Variants in GLG1 observed in about 807,000 individuals in gnomAD.
The protein encoded by GLG1 is Golgi apparatus protein 1.
Under a neutral mutation model 160.5 loss-of-function variants are expected in GLG1, and 38 were observed. That is an observed-to-expected ratio of 0.24 (90% CI 0.18 to 0.31). The LOEUF is 0.31. Ranked by LOEUF, GLG1 falls within the 10% of genes least tolerant of loss-of-function variation. The pLI is 1.00. For missense variants in GLG1, 1,373 were observed against 1,505.2 expected, an observed-to-expected ratio of 0.91 and a Z score of 1.45; for synonymous variants, 644 against 543.4, an observed-to-expected ratio of 1.19 and a Z score of -2.57.
intron 1 of GLG1, among the ~76,000 whole-genome samples, chr16:74,577,935 G>C (rs909245609): frequency 6.6e-6 from 1 of 151,876 alleles, no homozygotes; most frequent in African/African-American, 2.4e-5. Context: ...CACTCTGGGA[G>C]GCCAAGGTAG....
chr16:74,469,886 C>T lies in GLG1; in HGVS notation c.2318+99G>A, dbSNP rs981496761. ...ATGCGGGAGGCCTCCAGGGCTAACCCCACGAGGCAGCAGGAGGGCTGCCTA... is the reference window on the plus strand; with the variant it reads ...ATGCGGGAGGCCTCCAGGGCTAACCTCACGAGGCAGCAGGAGGGCTGCCTA... On this transcript the variant is annotated intron_variant, in intron 16 of 25. Coordinates refer to ENST00000422840, the MANE Select transcript of GLG1 (RefSeq NM_001145667.2). 1.0e-4 allele frequency: 84 copies of T among 806,078 alleles called. No individual in the cohort carries two copies. The African/African-American group carries it at 1.2e-3, about 12-fold the overall frequency. 49.9% of individuals were successfully genotyped at this position (806,078 alleles called of 1,614,324 possible).
At chr16:74,533,462 C>G (rs1416415181) in intron 1 of GLG1, among the ~76,000 whole-genome samples, 2 of 152,132 alleles carry the variant, frequency 1.3e-5, no homozygotes, top group African/African-American at 2.4e-5. Flanking sequence ...GGAGACACAA[C>G]TGCAATAAAA....
chr16:74,606,624 C>A (rs926014014), intron 1 of GLG1, 33 bp downstream of exon 1: 2 of 1,525,260 alleles, frequency 1.3e-6, no homozygotes, highest in African/African-American at 1.4e-5. Flanking sequence ...CCGCACCAGG[C>A]CTGGCCCTCC....
At chr16:74,566,679 C>T (rs2018662697) in intron 1 of GLG1, among the ~76,000 whole-genome samples, 1 of 152,038 alleles carries the variant, frequency 6.6e-6, no homozygotes, top group Non-Finnish European at 1.5e-5. Flanking sequence ...TTTAGTCATA[C>T]TATTAGATTA....
At chr16:74,466,472 G>C (rs1397997458) in intron 18 of GLG1, among the ~76,000 whole-genome samples, 1 of 152,174 alleles carries the variant, frequency 6.6e-6, no homozygotes, top group African/African-American at 2.4e-5. Context: ...CAGCAGCTGG[G>C]GCTATCGCAG....
At chr16:74,488,123 C>A (rs1395593132) in intron 8 of GLG1, among the ~76,000 whole-genome samples, 1 of 152,106 alleles carries the variant, frequency 6.6e-6, no homozygotes, top group African/African-American at 2.4e-5. Flanking sequence ...TATGCTTACG[C>A]TTTACAGCTT....
chr16:74,456,830 A>C, intron 24 of GLG1, 75 bp from the exon 25 acceptor site: 1 of 895,086 alleles, frequency 1.1e-6, no homozygotes, highest in Non-Finnish European at 1.9e-6. Flanking sequence ...GATGAGGAAG[A>C]GGGTGCACAA....
intron 14 of GLG1, 84 bp downstream of exon 14, chr16:74,472,263 GAC>G: frequency 1.1e-6 from 1 of 875,552 alleles, no homozygotes. Context: ...ACATGCTGCA[GAC>G]AGAGGTGAGT....
At chr16:74,481,179 T>C (rs12443505) in intron 10 of GLG1, among the ~76,000 whole-genome samples, 144,093 of 152,288 alleles carry the variant, frequency 0.95, 68,367 homozygotes, top group East Asian at 1. Context: ...GCAAGATAAA[T>C]AGTCTCCTAT....
chr16:74,606,896 G>A lies in GLG1; in HGVS notation c.199C>T (p.Pro67Ser), dbSNP rs1475972942. 6.9e-6 allele frequency: 11 copies of A among 1,603,482 alleles called. No homozygotes were observed. Among genetic ancestry groups the A allele is most frequent in the Non-Finnish European group, 8.5e-6 (10 of 1,176,844 alleles). The stretch of plus-strand genomic sequence containing the variant: ...TGCTGCTGAAGCTGCGATGACTGAG[G>A]CAGCTGGGGCAGCTGCTGACCCGCC... ...GPAGQQLPQL[P>S]QSSQLQQQQQ... The change falls in exon 1 of 26, where the codon CCT (proline) becomes TCT (serine). Residue 67 changes from proline (P) to serine (S), a missense_variant. Pro to Ser is a moderately conservative substitution (Grantham distance 74). Coordinates refer to ENST00000422840, the MANE Select transcript of GLG1 (RefSeq NM_001145667.2).
intron 12 of GLG1, among the ~76,000 whole-genome samples, chr16:74,476,332 G>A (rs2015389793): frequency 1.3e-5 from 2 of 152,144 alleles, no homozygotes; most frequent in Admixed American, 6.6e-5. Context: ...TTGGACAGAG[G>A]CAACAGAAAG....
At chr16:74,541,985 TC>T (rs1302020621) in intron 1 of GLG1, among the ~76,000 whole-genome samples, 17 of 142,074 alleles carry the variant, frequency 1.2e-4, no homozygotes, top group Admixed American at 1.1e-3. Context: ...TGATACATTT[TC>T]CCAGTTCATA....
At chr16:74,489,241 C>G (rs1441396324) in intron 8 of GLG1, among the ~76,000 whole-genome samples, 1 of 151,950 alleles carries the variant, frequency 6.6e-6, no homozygotes, top group Non-Finnish European at 1.5e-5. Flanking sequence ...GAGGCTGAGG[C>G]GGGAAGATCA....
At position 74,452,795 on chromosome 16, in the gene GLG1, T is replaced by C. The variant is rs1465727603; in HGVS notation, c.*372A>G. The stretch of plus-strand genomic sequence containing the variant: ...GAGATGCGTTACTATATACATTTTT[T>C]TCTTTAAAAAAATTTTTTTTTTTGG... On this transcript the variant is annotated 3_prime_UTR_variant, in exon 26 of 26. Coordinates refer to ENST00000422840, the MANE Select transcript of GLG1 (RefSeq NM_001145667.2). 1.8e-5 allele frequency: 18 copies of C among 1,001,220 alleles called. No homozygotes were observed. In the African/African-American group the frequency reaches 2.8e-4, roughly 15 times the overall value. 62.0% of individuals were successfully genotyped at this position (1,001,220 alleles called of 1,614,324 possible). A position where few individuals can be genotyped will look rare whatever the true frequency, so the allele number is the denominator to read the frequency against.
chr16:74,518,646 G>A (rs935497117), intron 2 of GLG1, among the ~76,000 whole-genome samples: 2 of 152,130 alleles, frequency 1.3e-5, no homozygotes, highest in Non-Finnish European at 2.9e-5. Context: ...ATAGGCATGG[G>A]CAAAGCAATG....
chr16:74,460,975 AACAC>A (rs1014637267), intron 22 of GLG1, among the ~76,000 whole-genome samples: 1 of 152,242 alleles, frequency 6.6e-6, no homozygotes, highest in African/African-American at 2.4e-5. Context: ...GGAGTTGAGA[AACAC>A]AGCCCACAGC....
chr16:74,481,737 A>T (rs2143317315), intron 10 of GLG1, among the ~76,000 whole-genome samples: 1 of 152,342 alleles, frequency 6.6e-6, no homozygotes, highest in Middle Eastern at 3.4e-3. Flanking sequence ...GTTAACATGC[A>T]GTGGCATGAT....
At chr16:74,567,012 T>C (rs1412406841) in intron 1 of GLG1, among the ~76,000 whole-genome samples, 4 of 152,314 alleles carry the variant, frequency 2.6e-5, no homozygotes, top group South Asian at 2.1e-4. Context: ...TGCAAAACTA[T>C]AGGAAGCTAA....
At position 74,472,324 on chromosome 16, in the gene GLG1, C is replaced by G. The variant is rs372116158; in HGVS notation, c.2115+25G>C. The G allele has an allele frequency of 1.3e-5, 21 of 1,562,670 alleles. No individual in the cohort carries two copies. The African/African-American group carries it at 2.7e-4, about 20-fold the overall frequency. ...CTGTCAATTTGTTTCTGTTTTTAACCCTTGCTCCTCCAGACATCACTTACG... is the reference window on the plus strand; with the variant it reads ...CTGTCAATTTGTTTCTGTTTTTAACGCTTGCTCCTCCAGACATCACTTACG... On this transcript the variant is annotated intron_variant, in intron 14 of 25. Transcript: ENST00000422840.
Sources: gnomAD v4.1 joint callset for allele counts (sites outside exome capture counted in the v4.1 genomes callset) on GRCh38, gnomAD v4.1.1 for gene constraint, MANE v1.5 for transcripts, NCBI Gene and HGNC (gene_info 2026-07-23, HGNC 2026-07-21) for gene names.